Variants in GABPB1 observed in about 807,000 individuals in gnomAD.
GABPB1 encodes the protein GA binding protein transcription factor subunit beta 1.
GABPB1 carries 15 observed loss-of-function variants against 45.9 expected under a neutral mutation model. The ratio of observed to expected loss-of-function variants is 0.33; its 90% CI spans 0.22 to 0.50. The LOEUF (loss-of-function observed/expected upper bound fraction) is 0.50, where lower values mean the gene tolerates loss of function less well. GABPB1 is among the 20% of genes least tolerant of loss of function. The probability of loss-of-function intolerance (pLI) is 0.98; values close to 1 mark genes in which losing one functional copy is unlikely to be tolerated. For synonymous variants in GABPB1, 143 were observed against 154.4 expected, an observed-to-expected ratio of 0.93 and a Z score of 0.55; for missense variants, 252 against 457.5, an observed-to-expected ratio of 0.55 and a Z score of 4.10.
intron 8 of GABPB1, chr15:50,282,353 G>A (rs2046003969): frequency 2.2e-6 from 1 of 447,434 alleles, no homozygotes; most frequent in Non-Finnish European, 4.5e-6. Flanking sequence ...GAGGCCAGGA[G>A]TCCAAGACCA....
At chr15:50,304,714 GAAAAAAAA>G (rs1230865292) in intron 2 of GABPB1, among the ~76,000 whole-genome samples, 1 of 105,418 alleles carries the variant, frequency 9.5e-6, no homozygotes, top group South Asian at 3.3e-4. Context: ...TTGGTCTAAA[GAAAAAAAA>G]AAAAAAAAGA....
intron 6 of GABPB1, among the ~76,000 whole-genome samples, chr15:50,295,398 A>G (rs763121897): frequency 7.2e-5 from 11 of 152,134 alleles, no homozygotes; most frequent in Non-Finnish European, 1.3e-4. Context: ...AAAGCTTCAC[A>G]TGTCCCTCTT....
intron 2 of GABPB1, 75 bp downstream of exon 2, chr15:50,309,616 C>G (rs1375707078): frequency 5.8e-6 from 5 of 865,084 alleles, no homozygotes; most frequent in Non-Finnish European, 9.8e-6. Flanking sequence ...AAACACAATA[C>G]TGACTACATT....
At chr15:50,312,817 G>A (rs1009916632) in intron 1 of GABPB1, among the ~76,000 whole-genome samples, 4 of 152,180 alleles carry the variant, frequency 2.6e-5, no homozygotes, top group African/African-American at 9.7e-5. Flanking sequence ...CTTTTGTGAA[G>A]TGAGAGTTTA....
At chr15:50,303,883 G>T in intron 3 of GABPB1, 83 bp downstream of exon 3, 1 of 985,932 alleles carries the variant, frequency 1.0e-6, no homozygotes, top group Non-Finnish European at 1.5e-6. Flanking sequence ...TACTAAGTAG[G>T]CATTTAACAA....
chr15:50,284,538 TC>T (rs34604578), intron 8 of GABPB1, among the ~76,000 whole-genome samples: 1 of 152,190 alleles, frequency 6.6e-6, no homozygotes, highest in African/African-American at 2.4e-5. Context: ...GCAATTATTT[TC>T]CCTGGTCTCT....
At chr15:50,326,011 G>A (rs1047682881) in intron 1 of GABPB1, among the ~76,000 whole-genome samples, 15 of 149,842 alleles carry the variant, frequency 1.0e-4, no homozygotes, top group African/African-American at 1.5e-4. Flanking sequence ...AGGTTCAAGC[G>A]ATTCTCCTGC....
In GABPB1 at chr15:50,286,143, A is replaced by G; in HGVS notation, c.924T>C (p.Val308=). The part of the protein sequence containing the change: ...VPATDIAEET[V]ISEEPPAKRQ... ...TCTTAGCTGGTGGTTCTTCACTTAT[A>G]ACAGTTTCTTCAGCAATGTCTGTTG... The change falls in exon 8 of 9, where the codon GTT becomes GTC. Residue 308 remains valine (V), a synonymous_variant. Coordinates refer to ENST00000380877, the MANE Select transcript of GABPB1 (RefSeq NM_016654.5). The G allele has an allele frequency of 6.2e-7, 1 of 1,607,300 alleles. No individual in the cohort carries two copies. Among genetic ancestry groups the G allele is most frequent in the Non-Finnish European group, 8.5e-7 (1 of 1,176,528 alleles).
At chr15:50,297,268 A>C (rs2141009780) in intron 6 of GABPB1, among the ~76,000 whole-genome samples, 1 of 149,364 alleles carries the variant, frequency 6.7e-6, no homozygotes, top group South Asian at 2.1e-4. Context: ...GCTGGGGTGC[A>C]GTGGCACAAT....
At chr15:50,323,511 G>A (rs1010388866) in intron 1 of GABPB1, among the ~76,000 whole-genome samples, 8 of 152,282 alleles carry the variant, frequency 5.3e-5, no homozygotes, top group Middle Eastern at 3.4e-3. Context: ...GCCTTTCTAC[G>A]CCTCAGTTTA....
chr15:50,289,389 A>G, intron 7 of GABPB1, 94 bp downstream of exon 7: 1 of 775,634 alleles, frequency 1.3e-6, no homozygotes, highest in African/African-American at 1.8e-5. Flanking sequence ...AATTAAAAAT[A>G]AACACAATCT....
At chr15:50,302,016 G>A (rs1480013004) in intron 4 of GABPB1, among the ~76,000 whole-genome samples, 1 of 152,154 alleles carries the variant, frequency 6.6e-6, no homozygotes, top group Admixed American at 6.5e-5. Flanking sequence ...GAAGCTCAAA[G>A]GAGTCAGATA....
chr15:50,307,537 C>T (rs1477766858), intron 2 of GABPB1, among the ~76,000 whole-genome samples: 1 of 152,020 alleles, frequency 6.6e-6, no homozygotes, highest in African/African-American at 2.4e-5. Flanking sequence ...CCCATCTCTA[C>T]TAAAAATACA....
At chr15:50,353,196 C>G (rs916982423) in intron 1 of GABPB1, 1 of 152,136 alleles carries the variant, frequency 6.6e-6, no homozygotes, top group African/African-American at 2.4e-5. Flanking sequence ...TCTCCGAGAT[C>G]ATAGGCAGAT....
chr15:50,354,162 C>A, intron 1 of GABPB1: 1 of 319,612 alleles, frequency 3.1e-6, no homozygotes, highest in East Asian at 1.2e-4. Flanking sequence ...CCGAAACACA[C>A]TAAACACACA....
At chr15:50,344,433 A>T (rs937958475) in intron 1 of GABPB1, among the ~76,000 whole-genome samples, 1 of 152,236 alleles carries the variant, frequency 6.6e-6, no homozygotes, top group Non-Finnish European at 1.5e-5. Flanking sequence ...AATGGGTTCA[A>T]AATATTTTCA....
chr15:50,334,822 C>A (rs2048065775), intron 1 of GABPB1, among the ~76,000 whole-genome samples: 1 of 152,140 alleles, frequency 6.6e-6, no homozygotes, highest in South Asian at 2.1e-4. Flanking sequence ...GTTCCCTATT[C>A]TCAAATTTGT....
chr15:50,285,849 G>A, intron 8 of GABPB1: 1 of 1,320,438 alleles, frequency 7.6e-7, no homozygotes. Flanking sequence ...CAAGATGACA[G>A]ACTGTTATAA....
intron 1 of GABPB1, among the ~76,000 whole-genome samples, chr15:50,342,849 G>A (rs2048425926): frequency 6.6e-6 from 1 of 152,184 alleles, no homozygotes; most frequent in African/African-American, 2.4e-5. Context: ...TTAACAAGTT[G>A]TAGTAGTCAA....
Sources: gnomAD v4.1 joint callset for allele counts (sites outside exome capture counted in the v4.1 genomes callset) on GRCh38, gnomAD v4.1.1 for gene constraint, MANE v1.5 for transcripts, NCBI Gene and HGNC (gene_info 2026-07-23, HGNC 2026-07-21) for gene names.